Variants in MAP3K13 observed in about 807,000 individuals in gnomAD.
MAP3K13 encodes the protein mitogen-activated protein kinase kinase kinase 13.
In MAP3K13, 52 loss-of-function variants were observed where a neutral mutation model predicts 104.0. The observed-to-expected ratio is 0.50, with a 90% CI of 0.40 to 0.63. The LOEUF is 0.63. MAP3K13 is among the 20% of genes least tolerant of loss of function. The probability of loss-of-function intolerance (pLI) is 0.00; values close to 1 mark genes in which losing one functional copy is unlikely to be tolerated. For missense variants in MAP3K13, 914 were observed against 1,218.5 expected (o/e 0.75, Z 3.72); for synonymous variants, 394 against 442.2 (o/e 0.89, Z 1.37).
At chr3:185,373,559 T>A (rs571900493) in intron 1 of MAP3K13, among the ~76,000 whole-genome samples, 1 of 152,110 alleles carries the variant, frequency 6.6e-6, no homozygotes, top group East Asian at 1.9e-4. Context: ...CTAGAATCAC[T>A]TGAACCCAGG....
At chr3:185,295,014 A>G (rs901348035) in intron 2 of MAP3K13, among the ~76,000 whole-genome samples, 3 of 152,016 alleles carry the variant, frequency 2.0e-5, no homozygotes, top group Non-Finnish European at 4.4e-5. Flanking sequence ...TTGCTTTTAG[A>G]CTGATTTTTA....
At chr3:185,404,816 A>AT (rs1713020148) in intron 1 of MAP3K13, among the ~76,000 whole-genome samples, 1 of 152,108 alleles carries the variant, frequency 6.6e-6, no homozygotes. Flanking sequence ...ACCTCAGGTG[A>AT]TCCGCCCGCC....
chr3:185,401,189 T>C (rs1453886441), intron 1 of MAP3K13, among the ~76,000 whole-genome samples: 2 of 152,248 alleles, frequency 1.3e-5, no homozygotes, highest in Non-Finnish European at 2.9e-5. Context: ...TAACAAACTA[T>C]GGATGAAGCA....
chr3:185,448,210 T>C, intron 5 of MAP3K13: 1 of 521,336 alleles, frequency 1.9e-6, no homozygotes, highest in South Asian at 2.1e-5. Context: ...TCTAGGAAAC[T>C]GAAAGTTTAC....
chr3:185,456,056 C>T lies in MAP3K13; in HGVS notation c.1278+4661C>T, dbSNP rs1483695789. On this transcript the variant is annotated intron_variant, in intron 7 of 13. Transcript: ENST00000265026. ...TTTTTCTACCTGCCCCTGCTGGAGG[C>T]TTGGAGTACTTCTGTGGTGTCTGAT... Among the ~76,000 whole-genome samples the T allele has an allele frequency of 4.6e-5, 7 of 150,892 alleles. No individual in the cohort carries two copies. The South Asian group carries it at 1.0e-3, about 22-fold the overall frequency.
chr3:185,288,952 G>A (rs1323304130), intron 2 of MAP3K13, among the ~76,000 whole-genome samples: 1 of 152,100 alleles, frequency 6.6e-6, no homozygotes, highest in East Asian at 1.9e-4. Flanking sequence ...ACTTTAACCT[G>A]TAAAACATTA....
At chr3:185,398,790 T>C (rs1250352035) in intron 1 of MAP3K13, among the ~76,000 whole-genome samples, 1 of 152,204 alleles carries the variant, frequency 6.6e-6, no homozygotes, top group Non-Finnish European at 1.5e-5. Flanking sequence ...TGAATCAGAC[T>C]CATTTTCTCT....
chr3:185,454,896 G>T (rs187529791), intron 7 of MAP3K13, among the ~76,000 whole-genome samples: 2 of 50,770 alleles, frequency 3.9e-5, no homozygotes, highest in African/African-American at 7.2e-5. Flanking sequence ...ATATATATGA[G>T]ATATATATAT....
chr3:185,319,730 A>T (rs1721793244), intron 2 of MAP3K13, among the ~76,000 whole-genome samples: 1 of 152,240 alleles, frequency 6.6e-6, no homozygotes, highest in Non-Finnish European at 1.5e-5. Flanking sequence ...AATCAACAAG[A>T]TTTGAGAATT....
chr3:185,288,871 T>C (rs1047568739), intron 2 of MAP3K13, among the ~76,000 whole-genome samples: 4 of 152,306 alleles, frequency 2.6e-5, no homozygotes, highest in South Asian at 4.1e-4. Context: ...CAATTTGAAT[T>C]GAACTAGAAC....
chr3:185,287,086 C>T (rs1034779136), intron 2 of MAP3K13, among the ~76,000 whole-genome samples: 6 of 152,064 alleles, frequency 3.9e-5, no homozygotes, highest in African/African-American at 7.2e-5. Flanking sequence ...TAAACCTTGA[C>T]GTTAGATTGT....
intron 7 of MAP3K13, among the ~76,000 whole-genome samples, chr3:185,454,906 T>TATATATATGA (rs1409497421): frequency 9.7e-6 from 1 of 103,422 alleles, no homozygotes; most frequent in South Asian, 3.1e-4. Flanking sequence ...GATATATATA[T>TATATATATGA]GATATATATA....
chr3:185,453,045 C>CA (rs1444198251), intron 7 of MAP3K13, among the ~76,000 whole-genome samples: 1 of 152,022 alleles, frequency 6.6e-6, no homozygotes, highest in East Asian at 1.9e-4. Flanking sequence ...TAAAAGGGTG[C>CA]AAATGTCATA....
intron 4 of MAP3K13, among the ~76,000 whole-genome samples, chr3:185,446,258 ATTT>A (rs72309263): frequency 7.1e-6 from 1 of 141,016 alleles, no homozygotes; most frequent in Non-Finnish European, 1.6e-5. Context: ...GCCTCTTATC[ATTT>A]TTTTTTTTTT....
At chr3:185,446,072 G>A (rs1319476369) in intron 4 of MAP3K13, among the ~76,000 whole-genome samples, 2 of 152,128 alleles carry the variant, frequency 1.3e-5, no homozygotes, top group African/African-American at 2.4e-5. Context: ...GGGCATGGAG[G>A]ATGGTATTCA....
rs762329459 is a variant in MAP3K13 at position 185,465,909 on chromosome 3, A to T, written c.1505+46A>T. 25 of 1,337,952 alleles carry T rather than the reference A, an allele frequency of 1.9e-5. No homozygotes were observed. In the African/African-American group the frequency reaches 3.0e-4, roughly 16 times the overall value. 82.9% of individuals were successfully genotyped at this position (1,337,952 alleles called of 1,614,324 possible). A position where few individuals can be genotyped will look rare whatever the true frequency, so the allele number is the denominator to read the frequency against. On this transcript the variant is annotated intron_variant, in intron 9 of 13. Transcript: ENST00000265026. ...CTGTTCTTACTGATTTGAGTCTGTC[A>T]ATCAGCAGAAACATACTACCCTTCC... is the stretch of plus-strand genomic sequence containing the variant.
intron 2 of MAP3K13, among the ~76,000 whole-genome samples, chr3:185,290,850 A>T (rs1720706714): frequency 6.6e-6 from 1 of 152,198 alleles, no homozygotes; most frequent in Non-Finnish European, 1.5e-5. Context: ...TTATACAAGC[A>T]TATAAGATAA....
intron 12 of MAP3K13, among the ~76,000 whole-genome samples, chr3:185,478,888 A>AAAAC (rs1553813567): frequency 1.4e-3 from 218 of 152,138 alleles, no homozygotes; most frequent in African/African-American, 5.1e-3. Context: ...AAAAAAAGAA[A>AAAAC]AAAACAAAAC....
In MAP3K13 at chr3:185,484,719, T is replaced by C. The variant is rs893409443; in HGVS notation, c.*2263T>C. 1 of 152,248 alleles carries C rather than the reference T, an allele frequency of 6.6e-6. No individual in the cohort carries two copies. The highest frequency in any genetic ancestry group is 1.5e-5 in the Non-Finnish European group (1 of 68,040). 9.4% of individuals were successfully genotyped at this position (152,248 alleles called of 1,614,324 possible). A position where few individuals can be genotyped will look rare whatever the true frequency, so the allele number is the denominator to read the frequency against. On this transcript the variant is annotated 3_prime_UTR_variant, in exon 14 of 14. Coordinates refer to ENST00000265026, the MANE Select transcript of MAP3K13 (RefSeq NM_004721.5). ...TTGTTTGCATTAATTTATTCCATTT[T>C]GTAAAAATTCTGTAGCTGGACTACA...
Sources: allele counts gnomAD v4.1 joint callset (sites outside exome capture counted in the v4.1 genomes callset), GRCh38; gene constraint gnomAD v4.1.1; transcripts MANE v1.5; gene names NCBI Gene and HGNC (gene_info 2026-07-23, HGNC 2026-07-21).